The following SLC46A3 variants were observed in gnomAD, a reference collection of about 807,000 sequenced individuals.
The protein encoded by SLC46A3 is solute carrier family 46 member 3.
In SLC46A3, 26 loss-of-function variants were observed where a neutral mutation model predicts 38.5. The observed-to-expected ratio is 0.68, with a 90% CI of 0.49 to 0.94. SLC46A3 has a LOEUF of 0.94. Among genes scored for constraint, SLC46A3 ranks in the 40% least tolerant of loss-of-function variants. SLC46A3 has a pLI of 0.00. For missense variants in SLC46A3, 510 were observed against 544.3 expected, an observed-to-expected ratio of 0.94 and a Z score of 0.63; for synonymous variants, 185 against 192.5, an observed-to-expected ratio of 0.96 and a Z score of 0.32.
chr13:28,714,642 G>A (rs1885476947), intron 2 of SLC46A3, among the ~76,000 whole-genome samples: 1 of 152,208 alleles, frequency 6.6e-6, no homozygotes, highest in Admixed American at 6.5e-5. Flanking sequence ...TCCGCTACTT[G>A]GGAGGCTGAG....
Position 28,717,807 on chromosome 13 carries a change from T to A in SLC46A3, c.189+3A>T, listed in dbSNP as rs375588044. 3.5e-4 allele frequency: 569 copies of A among 1,611,880 alleles called. No individual in the cohort carries two copies. The highest frequency in any genetic ancestry group is 4.3e-4 in the Non-Finnish European group (509 of 1,179,150). On this transcript the variant is annotated splice_donor_region_variant and intron_variant, in intron 2 of 5. Transcript: ENST00000266943. The stretch of plus-strand genomic sequence containing the variant: ...AAATACTATGGATATTGTAATTTCT[T>A]ACCTCCTGGAATGCAAAAATTGGGC...
chr13:28,708,156 G>T (rs1304392278), intron 4 of SLC46A3, among the ~76,000 whole-genome samples: 1 of 152,160 alleles, frequency 6.6e-6, no homozygotes, highest in African/African-American at 2.4e-5. Flanking sequence ...ATTTTATGTG[G>T]ACATATGCTT....
chr13:28,717,404 G>A (rs1885555099), intron 2 of SLC46A3, among the ~76,000 whole-genome samples: 1 of 151,378 alleles, frequency 6.6e-6, no homozygotes, highest in African/African-American at 2.4e-5. Context: ...AATAGAGCAA[G>A]TGAGAGACAG....
At position 28,703,802 on chromosome 13, in the gene SLC46A3, G is replaced by A. The variant is rs142471396; in HGVS notation, c.1301+141C>T. On this transcript the variant is annotated intron_variant, in intron 5 of 5. Transcript: ENST00000266943. ...AATTTTGTATATATGCTGCTGAAGC[G>A]AGCACTTCATGTCTAAAAGTTCTTG... 1.8e-3 allele frequency: 1,093 copies of A among 621,678 alleles called. 12 individuals are homozygous for A. The African/African-American group carries it at 0.018, about 10-fold the overall frequency. The allele number at this position is 621,678 out of a possible 1,614,324, so 38.5% of individuals were successfully genotyped here. A position where few individuals can be genotyped will look rare whatever the true frequency, so the allele number is the denominator to read the frequency against.
chr13:28,703,838 G>A (rs1324462250), intron 5 of SLC46A3, 105 bp downstream of exon 5: 10 of 1,036,254 alleles, frequency 9.7e-6, no homozygotes, highest in Non-Finnish European at 1.4e-5. Flanking sequence ...AGAAAAGCAC[G>A]TTCTGAGGCA....
At position 28,712,795 on chromosome 13, in the gene SLC46A3, T is replaced by C; in HGVS notation, c.945A>G (p.Ile315Met). The C allele has an allele frequency of 6.2e-7, 1 of 1,613,688 alleles. No individual in the cohort carries two copies. The highest frequency in any genetic ancestry group is 8.5e-7 in the Non-Finnish European group (1 of 1,179,912). The change falls in exon 3 of 6, where the codon ATA becomes ATG. Residue 315 changes from isoleucine to methionine, a missense_variant. Physicochemically the swap from Ile to Met is conservative, Grantham distance 10. Coordinates refer to ENST00000266943, the MANE Select transcript of SLC46A3 (RefSeq NM_181785.4). ...SASFLTSFLGIWLFSYCMEDI... is the reference protein window; with the variant it reads ...SASFLTSFLGMWLFSYCMEDI... ...CTTCCATACAATAAGAAAAAAGCCA[T>C]ATTCCTAGGAAACTAGTCAAAAAAG... is the stretch of plus-strand genomic sequence containing the variant.
At chr13:28,718,051 A>G in intron 1 of SLC46A3, 29 bp from the exon 2 acceptor site, 2 of 1,553,944 alleles carry the variant, frequency 1.3e-6, no homozygotes, top group South Asian at 2.4e-5. Context: ...GAGAAAGATC[A>G]TCTGTCTCAT....
chr13:28,713,635 CCTGTGGCCAGTAG>C (rs1365883134), intron 2 of SLC46A3, 85 bp from the exon 3 acceptor site: 1 of 1,355,608 alleles, frequency 7.4e-7, no homozygotes, highest in African/African-American at 1.5e-5. Flanking sequence ...TGCTTTTTTC[CCTGTGGCCAGTAG>C]GTTATGGGTG....
At chr13:28,717,510 T>C (rs1250986573) in intron 2 of SLC46A3, among the ~76,000 whole-genome samples, 2 of 118,634 alleles carry the variant, frequency 1.7e-5, no homozygotes, top group African/African-American at 6.2e-5. Flanking sequence ...TTTTTTTTTT[T>C]AGGACAAAGC....
At chr13:28,704,710 T>G (rs563000590) in intron 4 of SLC46A3, among the ~76,000 whole-genome samples, 1 of 152,258 alleles carries the variant, frequency 6.6e-6, no homozygotes. Flanking sequence ...TTCTGCATGT[T>G]TGACTCATCA....
At chr13:28,706,307 G>T (rs1399074805) in intron 4 of SLC46A3, among the ~76,000 whole-genome samples, 1 of 152,094 alleles carries the variant, frequency 6.6e-6, no homozygotes, top group Non-Finnish European at 1.5e-5. Context: ...GAAAACTTCG[G>T]CAGTATTTCC....
intron 3 of SLC46A3, 75 bp from the exon 4 acceptor site, chr13:28,710,918 ACT>A (rs1885323965): frequency 1.9e-6 from 2 of 1,043,530 alleles, no homozygotes; most frequent in Non-Finnish European, 3.0e-6. Flanking sequence ...AAACACTTTC[ACT>A]CTGTCTAAAT....
Position 28,713,207 on chromosome 13 carries a change from A to G in SLC46A3, c.533T>C (p.Leu178Pro). Residue 178 changes from leucine to proline, a missense_variant, in exon 3 of 6, where the codon CTT becomes CCT. Physicochemically the swap from Leu to Pro is moderately conservative, Grantham distance 98 (BLOSUM62 -3). Coordinates refer to ENST00000266943, the MANE Select transcript of SLC46A3 (RefSeq NM_181785.4). ...TGACAGTCCTGTTAGTCCAGTAACAAGTCCAAGTAGAAAGTCAATGATAGC... is the reference window on the plus strand; with the variant it reads ...TGACAGTCCTGTTAGTCCAGTAACAGGTCCAAGTAGAAAGTCAATGATAGC... ...RIAIIDFLLG[L>P]VTGLTGLSSG... is the part of the protein sequence containing the mutation. 1 of 1,614,134 alleles carries G rather than the reference A, an allele frequency of 6.2e-7. No homozygotes were observed. Among genetic ancestry groups the G allele is most frequent in the Non-Finnish European group, 8.5e-7 (1 of 1,180,016 alleles).
chr13:28,715,229 C>G (rs1014378717), intron 2 of SLC46A3, among the ~76,000 whole-genome samples: 2 of 152,188 alleles, frequency 1.3e-5, no homozygotes, highest in Admixed American at 1.3e-4. Flanking sequence ...GTAGTAGGTT[C>G]TCTTGAATAT....
chr13:28,710,657 T>C, intron 4 of SLC46A3, 103 bp downstream of exon 4: 1 of 895,542 alleles, frequency 1.1e-6, no homozygotes, highest in Non-Finnish European at 1.8e-6. Context: ...GATCCGTGCA[T>C]AAAAAGGGCT....
At position 28,701,412 on chromosome 13, in the gene SLC46A3, G is replaced by C; in HGVS notation, c.*85C>G. On this transcript the variant is annotated 3_prime_UTR_variant, in exon 6 of 6. Coordinates refer to ENST00000266943, the MANE Select transcript of SLC46A3 (RefSeq NM_181785.4). ...TAAAATTGGTTCTCAGTGAAGCACT[G>C]ATTGTGGAATTCATTTATAGTCTTC... is the stretch of plus-strand genomic sequence containing the variant. The C allele has an allele frequency of 1.9e-6, 3 of 1,556,670 alleles. No individual in the cohort carries two copies. The highest frequency in any genetic ancestry group is 2.6e-6 in the Non-Finnish European group (3 of 1,155,896).
At chr13:28,702,633 C>T (rs768669543) in intron 5 of SLC46A3, among the ~76,000 whole-genome samples, 78 of 152,150 alleles carry the variant, frequency 5.1e-4, no homozygotes, top group Non-Finnish European at 9.7e-4. Flanking sequence ...GGTGAATAGT[C>T]TCTTTTTAAA....
In SLC46A3 at chr13:28,713,265, A is replaced by ATAGC; in HGVS notation, c.474_475insGCTA (p.Cys159AlafsTer3). 6.2e-7 allele frequency: 1 copy of ATAGC among 1,614,026 alleles called. No individual in the cohort carries two copies. The highest frequency in any genetic ancestry group is 8.5e-7 in the Non-Finnish European group (1 of 1,180,046). ...ATTGTTTTTTGTTTGTGTTCTTTAC[A>ATAGC]CTGATCAACTATATAGGCAAAGCAA... On this transcript the variant is annotated frameshift_variant, in exon 3 of 6. Coordinates refer to ENST00000266943, the MANE Select transcript of SLC46A3 (RefSeq NM_181785.4). LOFTEE classifies it high-confidence loss of function.
chr13:28,701,138 C>T lies in SLC46A3; in HGVS notation c.*359G>A, dbSNP rs1663323411. ...TGAGGTAAAGATTTCTCTTTGGTCT[C>T]AGTGTAAGAGCCTGGAATATGTCAG... On this transcript the variant is annotated 3_prime_UTR_variant, in exon 6 of 6. Coordinates refer to ENST00000266943, the MANE Select transcript of SLC46A3 (RefSeq NM_181785.4). 7 of 1,437,488 alleles carry T rather than the reference C, an allele frequency of 4.9e-6. No homozygotes were observed. The highest frequency in any genetic ancestry group is 6.4e-6 in the Non-Finnish European group (7 of 1,095,778). The allele number at this position is 1,437,488 out of a possible 1,614,324, so 89.0% of individuals were successfully genotyped here.
Sources: gnomAD v4.1 joint callset for allele counts (sites outside exome capture counted in the v4.1 genomes callset) on GRCh38, gnomAD v4.1.1 for gene constraint, MANE v1.5 for transcripts, NCBI Gene and HGNC (gene_info 2026-07-23, HGNC 2026-07-21) for gene names.